Variants in CTSH observed in about 807,000 individuals in gnomAD.
CTSH encodes pro-cathepsin H.
CTSH carries 52 observed loss-of-function variants against 56.3 expected under a neutral mutation model. The observed-to-expected ratio is 0.92, with a 90% CI of 0.74 to 1.16. The LOEUF (loss-of-function observed/expected upper bound fraction) is 1.16, where lower values mean the gene tolerates loss of function less well. CTSH is among the 50% of genes most tolerant of loss of function. The probability of loss-of-function intolerance (pLI) is 0.00; values close to 1 mark genes in which losing one functional copy is unlikely to be tolerated. For synonymous variants in CTSH, 174 were observed against 155.7 expected, an observed-to-expected ratio of 1.12 and a Z score of -0.88; for missense variants, 406 against 424.5, an observed-to-expected ratio of 0.96 and a Z score of 0.38.
At chr15:78,934,042 C>T (rs964809098) in intron 5 of CTSH, among the ~76,000 whole-genome samples, 3 of 152,132 alleles carry the variant, frequency 2.0e-5, no homozygotes, top group East Asian at 3.8e-4. Context: ...TCTGAATTGT[C>T]ATGTGGTTCT....
intron 3 of CTSH, among the ~76,000 whole-genome samples, chr15:78,936,176 TTTTC>T (rs2055171258): frequency 1.6e-5 from 2 of 125,122 alleles, no homozygotes; most frequent in African/African-American, 3.0e-5. Flanking sequence ...TTTTCTTTTC[TTTTC>T]TTTTTTTTTT....
chr15:78,933,629 G>A, intron 5 of CTSH: 1 of 422,894 alleles, frequency 2.4e-6, no homozygotes, highest in Non-Finnish European at 4.8e-6. Context: ...CCACTTCGGG[G>A]GAGACTAAGC....
At chr15:78,923,143 G>T in intron 10 of CTSH, 25 bp from the exon 11 acceptor site, 1 of 1,612,304 alleles carries the variant, frequency 6.2e-7, no homozygotes, top group Non-Finnish European at 8.5e-7. Flanking sequence ...TCAAAAAGAG[G>T]TGATCATATG....
chr15:78,943,602 T>G (rs74944943), intron 1 of CTSH, among the ~76,000 whole-genome samples: 1 of 152,196 alleles, frequency 6.6e-6, no homozygotes, highest in Non-Finnish European at 1.5e-5. Flanking sequence ...AGAAGAAACA[T>G]ATTTCGTAGC....
intron 3 of CTSH, 75 bp downstream of exon 3, chr15:78,937,243 C>T (rs892570512): frequency 1.9e-5 from 24 of 1,235,252 alleles, no homozygotes; most frequent in South Asian, 1.3e-4. Context: ...CACCCACCAG[C>T]CCCCAGCGGG....
At chr15:78,939,112 CTT>C (rs757859632) in intron 2 of CTSH, 26 bp downstream of exon 2, 1 of 1,580,518 alleles carries the variant, frequency 6.3e-7, no homozygotes, top group Non-Finnish European at 8.6e-7. Context: ...AAATGAAAAA[CTT>C]CAAAAAGAAG....
At chr15:78,932,674 A>G (rs1443088842) in intron 5 of CTSH, among the ~76,000 whole-genome samples, 2 of 150,514 alleles carry the variant, frequency 1.3e-5, no homozygotes, top group Non-Finnish European at 2.9e-5. Context: ...TTCCAGATCC[A>G]TTCATTCTGA....
At chr15:78,937,102 A>C in intron 3 of CTSH, 1 of 551,548 alleles carries the variant, frequency 1.8e-6, no homozygotes, top group Non-Finnish European at 3.2e-6. Flanking sequence ...TCTCTTGTAA[A>C]CTTCACAACC....
chr15:78,924,158 GCCCATGGAACTGCGAA>G (rs1194741275), intron 10 of CTSH, among the ~76,000 whole-genome samples: 1 of 141,448 alleles, frequency 7.1e-6, no homozygotes, highest in Non-Finnish European at 1.5e-5. Context: ...GGCGGGGAAC[GCCCATGGAACTGCGAA>G]CCCTTCTGCG....
chr15:78,944,945 A>T lies in CTSH; in HGVS notation c.37T>A (p.Trp13Arg). ...CCGCAGACGGGGACTCCCAGGAGCC[A>T]GGCCCCGGCGCAGAGCAGCGGCAGC... ...ATLPLLCAGAWLLGVPVCGAA... is the reference protein window; with the variant it reads ...ATLPLLCAGARLLGVPVCGAA... Residue 13 changes from tryptophan to arginine, a missense_variant, in exon 1 of 12, where the codon TGG becomes AGG. Trp to Arg is a moderately radical substitution (Grantham distance 101). Coordinates refer to ENST00000220166, the MANE Select transcript of CTSH (RefSeq NM_004390.5). The T allele has an allele frequency of 6.5e-7, 1 of 1,548,114 alleles. No individual in the cohort carries two copies. Among genetic ancestry groups the T allele is most frequent in the Non-Finnish European group, 8.7e-7 (1 of 1,146,104 alleles).
At chr15:78,931,643 C>T in intron 6 of CTSH, 137 bp from the exon 7 acceptor site, 1 of 1,534,528 alleles carries the variant, frequency 6.5e-7, no homozygotes, top group South Asian at 1.2e-5. Context: ...TTATAAACTC[C>T]CCAAGGGCAG....
intron 6 of CTSH, 145 bp downstream of exon 6, chr15:78,932,227 T>G (rs913349411): frequency 1.2e-6 from 1 of 834,046 alleles, no homozygotes; most frequent in African/African-American, 1.7e-5. Context: ...GAGATTCTCA[T>G]GCCAGATGTC....
Position 78,944,859 on chromosome 15 carries a change from G to C in CTSH, c.91+32C>G, listed in dbSNP as rs778404694. On this transcript the variant is annotated intron_variant, in intron 1 of 11. Coordinates refer to ENST00000220166, the MANE Select transcript of CTSH (RefSeq NM_004390.5). ...CCAGCGTCCACTCTAGGGCCTGCTA[G>C]CACCCTCTCGGGCGGCGCGCCCTCT... 2.0e-5 allele frequency: 31 copies of C among 1,541,532 alleles called. No individual in the cohort carries two copies. The South Asian group carries it at 3.5e-4, about 17-fold the overall frequency.
At chr15:78,932,108 C>A in intron 6 of CTSH, 1 of 1,248,650 alleles carries the variant, frequency 8.0e-7, no homozygotes, top group Non-Finnish European at 1.0e-6. Flanking sequence ...ACCCCTCCGC[C>A]GGGAAGGCTC....
rs1193737015 is a variant in CTSH, at chr15:78,927,723, T to C, written c.689A>G (p.Asn230Ser). The change falls in exon 9 of 12, where the codon AAC becomes AGC. Residue 230 changes from asparagine (N) to serine (S), a missense_variant. Coordinates refer to ENST00000220166, the MANE Select transcript of CTSH (RefSeq NM_004390.5). Reference sequence around the variant, plus strand: ...GGGATCGGCACTCACGATTGTGATGTTGGCTACATCCTTGACAAAGCCGAT... The same window carrying C: ...GGGATCGGCACTCACGATTGTGATGCTGGCTACATCCTTGACAAAGCCGAT... The part of the protein sequence containing the change: ...KAIGFVKDVA[N>S]ITIYDEEAMV... 4.3e-6 allele frequency: 7 copies of C among 1,614,014 alleles called. No homozygotes were observed. The highest frequency in any genetic ancestry group is 5.1e-6 in the Non-Finnish European group (6 of 1,179,992).
chr15:78,944,696 AGCC>A (rs2055358546), intron 1 of CTSH, 192 bp downstream of exon 1: 1 of 1,106,806 alleles, frequency 9.0e-7, no homozygotes, highest in African/African-American at 1.6e-5. Flanking sequence ...TGGTCCTACA[AGCC>A]GCCCACCCTC....
chr15:78,937,058 A>G, intron 3 of CTSH: 1 of 461,986 alleles, frequency 2.2e-6, no homozygotes. Context: ...CTGGACCCTC[A>G]GATGGCAGGA....
In CTSH at chr15:78,921,065, ATAAAT is replaced by A. The variant is rs1021621082; in HGVS notation, c.*1060_*1064del. ...GGTCTTATGTTACTAGAATTTTCTA[ATAAAT>A]TAAACTATATTTGCATTATCTAAAT... On this transcript the variant is annotated 3_prime_UTR_variant, in exon 12 of 12. Coordinates refer to ENST00000220166, the MANE Select transcript of CTSH (RefSeq NM_004390.5). 7 of 152,176 alleles carry A rather than the reference ATAAAT, an allele frequency of 4.6e-5. No individual in the cohort carries two copies. Among genetic ancestry groups the A allele is most frequent in the East Asian group, 1.9e-4 (1 of 5,196 alleles). The allele number at this position is 152,176 out of a possible 1,614,324, so 9.4% of individuals were successfully genotyped here.
chr15:78,927,497 T>TA, intron 9 of CTSH: 3 of 529,376 alleles, frequency 5.7e-6, no homozygotes, highest in Admixed American at 3.4e-5. Flanking sequence ...GGATCTGGAG[T>TA]TCAGAACCAG....
Sources: allele counts gnomAD v4.1 joint callset (sites outside exome capture counted in the v4.1 genomes callset), GRCh38; gene constraint gnomAD v4.1.1; transcripts MANE v1.5; gene names NCBI Gene and HGNC (gene_info 2026-07-23, HGNC 2026-07-21).